PCDHA3: variants seen among roughly 807,000 people sequenced by gnomAD.
PCDHA3 encodes protocadherin alpha-3.
In PCDHA3, 41 loss-of-function variants were observed where a neutral mutation model predicts 62.2. The observed-to-expected ratio is 0.66, with a 90% CI of 0.51 to 0.86. The LOEUF (loss-of-function observed/expected upper bound fraction) is 0.86, where lower values mean the gene tolerates loss of function less well. Ranked by LOEUF, PCDHA3 falls within the 40% of genes least tolerant of loss-of-function variation. The pLI is 0.00. For missense variants in PCDHA3, 1,304 were observed against 1,241.2 expected, an observed-to-expected ratio of 1.05 and a Z score of -0.76; for synonymous variants, 640 against 555.4, an observed-to-expected ratio of 1.15 and a Z score of -2.14.
intron 1 of PCDHA3, chr5:140,926,320 C>G (rs555057115): frequency 2.5e-3 from 377 of 152,358 alleles, no homozygotes; most frequent in Non-Finnish European, 3.8e-3. Flanking sequence ...AGAGGTGCGC[C>G]GGGGTCAGAG....
At chr5:140,938,190 C>T (rs2091964057) in intron 1 of PCDHA3, among the ~76,000 whole-genome samples, 1 of 152,212 alleles carries the variant, frequency 6.6e-6, no homozygotes. Flanking sequence ...AAGCAATCCT[C>T]CCACGCCAGC....
intron 1 of PCDHA3, among the ~76,000 whole-genome samples, chr5:140,950,960 A>G (rs2094536305): frequency 6.6e-6 from 1 of 151,564 alleles, no homozygotes. Flanking sequence ...CTATTGATCT[A>G]TTTTCAGATT....
At chr5:140,934,228 G>A (rs1238284158) in intron 1 of PCDHA3, among the ~76,000 whole-genome samples, 2 of 151,884 alleles carry the variant, frequency 1.3e-5, no homozygotes, top group African/African-American at 4.8e-5. Flanking sequence ...TAAAAGATTT[G>A]TACTTAATTG....
intron 1 of PCDHA3, among the ~76,000 whole-genome samples, chr5:140,818,289 T>G (rs2150100721): frequency 1.3e-5 from 2 of 152,350 alleles, no homozygotes; most frequent in African/African-American, 4.8e-5. Flanking sequence ...AATCCATGTT[T>G]TATTCTGACC....
At chr5:140,814,442 C>T (rs985107425) in intron 1 of PCDHA3, 16 of 148,376 alleles carry the variant, frequency 1.1e-4, no homozygotes, top group South Asian at 2.1e-4. Flanking sequence ...TTGTGGTGAC[C>T]TTTTTTCTTT....
At chr5:140,885,595 A>G (rs1386755812) in intron 1 of PCDHA3, among the ~76,000 whole-genome samples, 1 of 152,218 alleles carries the variant, frequency 6.6e-6, no homozygotes, top group Non-Finnish European at 1.5e-5. Context: ...CATCAAAGAT[A>G]TTAATAATTT....
chr5:140,968,272 A>G (rs369285531), intron 1 of PCDHA3: 1 of 1,613,936 alleles, frequency 6.2e-7, no homozygotes, highest in African/African-American at 1.3e-5. Context: ...AGGAGAATGC[A>G]GAGGTGACCT....
chr5:140,878,348 T>G (rs55915538), intron 1 of PCDHA3, among the ~76,000 whole-genome samples: 4,312 of 152,298 alleles, frequency 0.028, 189 homozygotes, highest in African/African-American at 0.098. Flanking sequence ...ATCACAATAA[T>G]ATAAATGATA....
At chr5:140,867,971 C>A (rs1230179778) in intron 1 of PCDHA3, 2 of 152,032 alleles carry the variant, frequency 1.3e-5, no homozygotes, top group Non-Finnish European at 2.9e-5. Flanking sequence ...ATTCTTTCAA[C>A]AAGAAACAAA....
At chr5:140,826,023 T>C (rs1768791040) in intron 1 of PCDHA3, among the ~76,000 whole-genome samples, 1 of 152,228 alleles carries the variant, frequency 6.6e-6, no homozygotes, top group South Asian at 2.1e-4. Flanking sequence ...TGATAAAATG[T>C]GAATTCCCTA....
intron 1 of PCDHA3, chr5:140,828,079 A>C: frequency 6.3e-7 from 1 of 1,579,036 alleles, no homozygotes; most frequent in Non-Finnish European, 8.6e-7. Context: ...AAATAAAACC[A>C]GAGGTATTTG....
At chr5:140,857,245 C>T (rs1411907706) in intron 1 of PCDHA3, 5 of 1,598,612 alleles carry the variant, frequency 3.1e-6, no homozygotes, top group Non-Finnish European at 4.3e-6. Context: ...TGGTGTCCAC[C>T]TACAAGAATT....
intron 1 of PCDHA3, among the ~76,000 whole-genome samples, chr5:140,923,820 CG>C (rs1297703305): frequency 6.6e-6 from 1 of 152,106 alleles, no homozygotes; most frequent in Non-Finnish European, 1.5e-5. Flanking sequence ...TGAAAATAGA[CG>C]TCAGTGGCAG....
chr5:140,822,459 G>A, intron 1 of PCDHA3: 1 of 1,613,794 alleles, frequency 6.2e-7, no homozygotes, highest in Non-Finnish European at 8.5e-7. Context: ...TTCAGTTGTT[G>A]ATCAATGTAT....
chr5:140,840,895 A>C (rs1776928646), intron 1 of PCDHA3, among the ~76,000 whole-genome samples: 1 of 152,026 alleles, frequency 6.6e-6, no homozygotes, highest in South Asian at 2.1e-4. Context: ...TATCCATGAC[A>C]TACAGGTCAT....
chr5:140,808,696 G>T (rs1182991653), intron 1 of PCDHA3: 2 of 1,612,214 alleles, frequency 1.2e-6, no homozygotes, highest in African/African-American at 1.3e-5. Flanking sequence ...GGGAGCGCGC[G>T]CTGTCGAGCT....
At chr5:140,947,083 A>G (rs1268359945) in intron 1 of PCDHA3, among the ~76,000 whole-genome samples, 2 of 151,728 alleles carry the variant, frequency 1.3e-5, no homozygotes, top group Non-Finnish European at 3.0e-5. Context: ...TTGAAACATC[A>G]GACTGTAGCC....
At position 140,803,200 on chromosome 5, in the gene PCDHA3, C is replaced by T. The variant is rs1554122639; in HGVS notation, c.2003C>T (p.Ser668Leu). ...SLTATATVLV[S>L]LVESGQAPKA... is the part of the protein sequence containing the mutation. ...ACCGCCACGGCCACTGTGCTGGTGT[C>T]GCTGGTGGAGAGTGGCCAGGCACCC... Residue 668 changes from serine to leucine, a missense_variant, in exon 1 of 4, where the codon TCG becomes TTG. Physicochemically the swap from Ser to Leu is moderately radical, Grantham distance 145. Coordinates refer to ENST00000522353, the MANE Select transcript of PCDHA3 (RefSeq NM_018906.3). 1 of 1,613,898 alleles carries T rather than the reference C, an allele frequency of 6.2e-7. No individual in the cohort carries two copies.
intron 1 of PCDHA3, chr5:140,851,527 A>C (rs1335605014): frequency 2.2e-6 from 2 of 905,622 alleles, no homozygotes; most frequent in Middle Eastern, 5.6e-4. Context: ...AAAATGCCTG[A>C]CAATGTAGAT....
Sources: allele counts gnomAD v4.1 joint callset (sites outside exome capture counted in the v4.1 genomes callset), GRCh38; gene constraint gnomAD v4.1.1; transcripts MANE v1.5; gene names NCBI Gene and HGNC (gene_info 2026-07-23, HGNC 2026-07-21).